Variants in PIP5K1C observed in about 807,000 individuals in gnomAD.
PIP5K1C encodes the protein phosphatidylinositol-4-phosphate 5-kinase type 1 gamma.
Under a neutral mutation model 80.1 loss-of-function variants are expected in PIP5K1C, and 45 were observed. The ratio of observed to expected loss-of-function variants is 0.56; its 90% confidence interval spans 0.44 to 0.72. The LOEUF (loss-of-function observed/expected upper bound fraction) is 0.72, where lower values mean the gene tolerates loss of function less well. Ranked by LOEUF, PIP5K1C falls within the 30% of genes least tolerant of loss-of-function variation. The pLI, the probability that PIP5K1C is intolerant of heterozygous loss-of-function variation, is 0.00. For synonymous variants in PIP5K1C, 498 were observed against 420.1 expected (o/e 1.19, Z -2.27); for missense variants, 753 against 954.6 (o/e 0.79, Z 2.78).
rs528006606 is a variant in PIP5K1C at position 3,633,643 on chromosome 19, G to A, written c.1921-123C>T. ...AAGAGGCGAATCCCCCATGGAAGACGAGGGGTGGCTCAGCCCAGCTGCCCT... is the reference window on the plus strand; with the variant it reads ...AAGAGGCGAATCCCCCATGGAAGACAAGGGGTGGCTCAGCCCAGCTGCCCT... On this transcript the variant is annotated intron_variant, in intron 16 of 17. Transcript: ENST00000335312. 1.8e-4 allele frequency: 110 copies of A among 612,072 alleles called. 1 individual carries two copies. The East Asian group carries it at 2.6e-3, about 14-fold the overall frequency. 37.9% of individuals were successfully genotyped at this position (612,072 alleles called of 1,614,324 possible). A position where few individuals can be genotyped will look rare whatever the true frequency, so the allele number is the denominator to read the frequency against.
chr19:3,637,133 T>G lies in PIP5K1C; in HGVS notation c.1920+1751A>C. 3 of 1,381,594 alleles carry G rather than the reference T, an allele frequency of 2.2e-6. No homozygotes were observed. In the South Asian group the frequency reaches 4.6e-5, roughly 21 times the overall value. 85.6% of individuals were successfully genotyped at this position (1,381,594 alleles called of 1,614,324 possible). A position where few individuals can be genotyped will look rare whatever the true frequency, so the allele number is the denominator to read the frequency against. On this transcript the variant is annotated intron_variant, in intron 16 of 17. Coordinates refer to ENST00000335312, the MANE Select transcript of PIP5K1C (RefSeq NM_012398.3). The surrounding 1 kb of genome is among the most constrained non-coding windows in gnomAD (Gnocchi z 7.0). The stretch of plus-strand genomic sequence containing the variant: ...CTGCTGACCTGTGCAACCTCCCCTG[T>G]GCAGCCAGCGGGGCCACGGGCAGCC...
intron 9 of PIP5K1C, among the ~76,000 whole-genome samples, chr19:3,647,635 G>A (rs1378054646): frequency 6.6e-6 from 1 of 152,128 alleles, no homozygotes; most frequent in Non-Finnish European, 1.5e-5. Context: ...GTACCGAGGG[G>A]GTGACTGTTT....
At position 3,700,443 on chromosome 19, in the gene PIP5K1C, G is replaced by T. The variant is rs928583758; in HGVS notation, c.-53C>A. On this transcript the variant is annotated 5_prime_UTR_variant, in exon 1 of 18. Transcript: ENST00000335312. Reference sequence around the variant, plus strand: ...CCCGAGGGGGACCCGAGCTGCGACCGCCGCCGCCGAACAACAAGCGCCGCC... The same window carrying T: ...CCCGAGGGGGACCCGAGCTGCGACCTCCGCCGCCGAACAACAAGCGCCGCC... 12 of 956,820 alleles carry T rather than the reference G, an allele frequency of 1.3e-5. No individual in the cohort carries two copies. The African/African-American group carries it at 2.0e-4, about 16-fold the overall frequency. 59.3% of individuals were successfully genotyped at this position (956,820 alleles called of 1,614,324 possible).
intron 17 of PIP5K1C, 26 bp downstream of exon 17, chr19:3,633,411 G>A (rs773282253): frequency 7.8e-6 from 11 of 1,416,992 alleles, no homozygotes; most frequent in South Asian, 3.1e-5. Flanking sequence ...CCACGGGACC[G>A]GCGGGTGCAC....
intron 13 of PIP5K1C, 37 bp from the exon 14 acceptor site, chr19:3,642,976 A>ACT: frequency 6.2e-7 from 1 of 1,611,976 alleles, no homozygotes; most frequent in African/African-American, 1.3e-5. Flanking sequence ...ACCCAGAAAG[A>ACT]GAGTGGCCCG....
intron 15 of PIP5K1C, 152 bp downstream of exon 15, chr19:3,641,553 T>C (rs2033960607): frequency 1.5e-6 from 1 of 679,342 alleles, no homozygotes; most frequent in African/African-American, 1.8e-5. Context: ...ACCACTCCCT[T>C]CAATCAAAAA....
At chr19:3,657,582 G>A (rs2034677148) in intron 5 of PIP5K1C, among the ~76,000 whole-genome samples, 1 of 152,116 alleles carries the variant, frequency 6.6e-6, no homozygotes, top group Non-Finnish European at 1.5e-5. Flanking sequence ...ATGCTGCTGT[G>A]ATAAACAGGT....
At chr19:3,664,095 C>T (rs2034927283) in intron 3 of PIP5K1C, among the ~76,000 whole-genome samples, 2 of 152,230 alleles carry the variant, frequency 1.3e-5, no homozygotes, top group African/African-American at 2.4e-5. Context: ...GAGGACGCTA[C>T]ACTCAGTGAG....
intron 1 of PIP5K1C, among the ~76,000 whole-genome samples, chr19:3,698,423 G>C (rs986787477): frequency 6.6e-5 from 10 of 152,204 alleles, no homozygotes; most frequent in Non-Finnish European, 1.3e-4. Flanking sequence ...CCTGGCGCTC[G>C]CCCTCTCTAC....
chr19:3,668,483 G>C (rs1017551268), intron 1 of PIP5K1C: 1 of 152,152 alleles, frequency 6.6e-6, no homozygotes, highest in African/African-American at 2.4e-5. Context: ...AGATGCGGGC[G>C]CCTCTAGATG....
intron 1 of PIP5K1C, among the ~76,000 whole-genome samples, chr19:3,669,203 G>A (rs1208809953): frequency 2.0e-5 from 3 of 152,174 alleles, no homozygotes; most frequent in Admixed American, 2.0e-4. Flanking sequence ...TTATGAGCCC[G>A]TGGAGACACT....
intron 7 of PIP5K1C, 46 bp downstream of exon 7, chr19:3,653,244 A>G (rs1470084793): frequency 1.3e-6 from 2 of 1,576,496 alleles, no homozygotes; most frequent in Non-Finnish European, 1.7e-6. Context: ...CTCACCACGC[A>G]GTCCCACCTG....
Position 3,653,527 on chromosome 19 carries a change from C to T in PIP5K1C, c.684G>A (p.Ser228=), listed in dbSNP as rs2074957. The T allele has an allele frequency of 0.55, 886,183 of 1,613,378 alleles. 246,289 individuals are homozygous for T. The highest frequency in any genetic ancestry group is 0.71 in the East Asian group (31,874 of 44,860). ...PKFYGLYCVQ[S]GGKNIRVVVM... is the part of the protein sequence containing the mutation. ...CCACGACGCGGATGTTCTTGCCCCC[C>T]GACTGCACGCAGTACAGCCCATAGA... Residue 228 remains serine, a synonymous_variant, in exon 7 of 18, where the codon TCG becomes TCA. Coordinates refer to ENST00000335312, the MANE Select transcript of PIP5K1C (RefSeq NM_012398.3).
chr19:3,644,175 G>GGCAGCGGTGGGCC lies in PIP5K1C; in HGVS notation c.1409_1421dup (p.Phe475AlafsTer12). The GGCAGCGGTGGGCC allele has an allele frequency of 6.2e-7, 1 of 1,612,370 alleles. No individual in the cohort carries two copies. Among genetic ancestry groups the GGCAGCGGTGGGCC allele is most frequent in the Non-Finnish European group, 8.5e-7 (1 of 1,179,886 alleles). On this transcript the variant is annotated frameshift_variant, in exon 12 of 18. Coordinates refer to ENST00000335312, the MANE Select transcript of PIP5K1C (RefSeq NM_012398.3). LOFTEE classifies it high-confidence loss of function. Reference sequence around the variant, plus strand: ...CGCTAGGGATCTGGCTGGCCGAGAAGGCAGCGGTGGGCCCCAGCGGTTTCA... The same window carrying GGCAGCGGTGGGCC: ...CGCTAGGGATCTGGCTGGCCGAGAAGGCAGCGGTGGGCCGCAGCGGTGGGCCCCAGCGGTTTCA...
At chr19:3,680,999 T>C (rs1370825729) in intron 1 of PIP5K1C, among the ~76,000 whole-genome samples, 2 of 152,084 alleles carry the variant, frequency 1.3e-5, no homozygotes, top group African/African-American at 4.8e-5. Context: ...CAGAGAAAGA[T>C]CAGGTCCCAC....
chr19:3,670,717 G>A (rs1165461974), intron 1 of PIP5K1C, among the ~76,000 whole-genome samples: 1 of 152,200 alleles, frequency 6.6e-6, no homozygotes, highest in Admixed American at 6.5e-5. Flanking sequence ...ACAGCTGAAG[G>A]GTCCTCCCCT....
chr19:3,648,808 G>GT lies in PIP5K1C; in HGVS notation c.1128-101dup, dbSNP rs567838484. On this transcript the variant is annotated intron_variant, in intron 8 of 17. Coordinates refer to ENST00000335312, the MANE Select transcript of PIP5K1C (RefSeq NM_012398.3). This position sits in a 1 kb window ranked among gnomAD's most constrained non-coding sequence, Gnocchi z 4.3. Reference sequence around the variant, plus strand: ...AGGGCTAGGGAGTCCATCTGCTCCTGTGGGTGGCAACTTGGCCAAGCTCTC... The same window carrying GT: ...AGGGCTAGGGAGTCCATCTGCTCCTGTTGGGTGGCAACTTGGCCAAGCTCTC... 3.0e-3 allele frequency: 3,002 copies of GT among 1,001,724 alleles called. 13 individuals carry two copies. The highest frequency in any genetic ancestry group is 3.2e-3 in the Non-Finnish European group (2,070 of 643,114). 62.1% of individuals were successfully genotyped at this position (1,001,724 alleles called of 1,614,324 possible). A position where few individuals can be genotyped will look rare whatever the true frequency, so the allele number is the denominator to read the frequency against.
Position 3,651,831 on chromosome 19 carries a change from A to G in PIP5K1C, c.1122T>C (p.Asp374=). ...GCGGCCCCCCGCCCACCTACGTGTC[A>G]TCCGATTCGATGGCCTCCCCGCGCG... ...GAARGEAIES[D]DTMGGIPAVN... is the part of the protein sequence containing the mutation. The change falls in exon 8 of 18, where the codon GAT becomes GAC. Residue 374 remains aspartate (D), a synonymous_variant. Transcript: ENST00000335312. 1 of 1,611,460 alleles carries G rather than the reference A, an allele frequency of 6.2e-7. No homozygotes were observed. Among genetic ancestry groups the G allele is most frequent in the Non-Finnish European group, 8.5e-7 (1 of 1,179,698 alleles).
intron 1 of PIP5K1C, among the ~76,000 whole-genome samples, chr19:3,687,679 G>A (rs1346163144): frequency 2.6e-5 from 4 of 152,186 alleles, no homozygotes; most frequent in Admixed American, 6.5e-5. Flanking sequence ...GGGTGAGGTG[G>A]CTGGAGGGGA....
Sources: allele counts gnomAD v4.1 joint callset (sites outside exome capture counted in the v4.1 genomes callset), GRCh38; gene constraint gnomAD v4.1.1; non-coding constraint Gnocchi (gnomAD v3.1); transcripts MANE v1.5; gene names NCBI Gene and HGNC (gene_info 2026-07-23, HGNC 2026-07-21).